Variants in MAN1A2 observed in about 807,000 individuals in gnomAD.
MAN1A2 encodes mannosidase alpha class 1A member 2.
A neutral mutation model predicts 75.7 loss-of-function variants in MAN1A2; 26 were observed. That is an observed-to-expected ratio of 0.34 (90% confidence interval 0.25 to 0.48). The LOEUF (loss-of-function observed/expected upper bound fraction) is 0.48. Among genes scored for constraint, MAN1A2 ranks in the 20% least tolerant of loss-of-function variants. The pLI is 0.99. For synonymous variants in MAN1A2, 247 were observed against 264.6 expected (o/e 0.93, Z 0.65); for missense variants, 562 against 775.5 (o/e 0.72, Z 3.27).
rs192442128 is a variant in MAN1A2, at chr1:117,398,796, C to T, written c.303-3390C>T. Among the ~76,000 whole-genome samples, 3 of 152,082 alleles carry T rather than the reference C, an allele frequency of 2.0e-5. No individual in the cohort carries two copies. The East Asian group carries it at 5.8e-4, about 29-fold the overall frequency. On this transcript the variant is annotated intron_variant, in intron 1 of 12. Coordinates refer to ENST00000356554, the MANE Select transcript of MAN1A2 (RefSeq NM_006699.5). Reference sequence around the variant, plus strand: ...CATTATACAGAATTTCTTAATAGGCCATAATATAATAGAATTCCTTAGGAT... The same window carrying T: ...CATTATACAGAATTTCTTAATAGGCTATAATATAATAGAATTCCTTAGGAT...
chr1:117,518,170 G>A (rs1282631697), intron 12 of MAN1A2, among the ~76,000 whole-genome samples: 1 of 151,940 alleles, frequency 6.6e-6, no homozygotes, highest in East Asian at 1.9e-4. Flanking sequence ...TGATTACCCA[G>A]TGAAAATGCA....
At chr1:117,402,883 C>A (rs937200384) in intron 2 of MAN1A2, among the ~76,000 whole-genome samples, 1 of 152,030 alleles carries the variant, frequency 6.6e-6, no homozygotes, top group African/African-American at 2.4e-5. Flanking sequence ...TGGTATCCCT[C>A]AACTATACTG....
chr1:117,458,525 T>TATA (rs1557959206), intron 6 of MAN1A2, among the ~76,000 whole-genome samples: 18 of 43,206 alleles, frequency 4.2e-4, no homozygotes, highest in South Asian at 2.4e-3. Flanking sequence ...ATATATATAT[T>TATA]TTTTTTTTTT....
At chr1:117,483,207 G>T (rs1650556994) in intron 8 of MAN1A2, among the ~76,000 whole-genome samples, 1 of 152,100 alleles carries the variant, frequency 6.6e-6, no homozygotes, top group Non-Finnish European at 1.5e-5. Context: ...GCTTAGGATT[G>T]TCTTGGCAAT....
intron 3 of MAN1A2, among the ~76,000 whole-genome samples, chr1:117,409,612 C>CTT (rs1557938446): frequency 6.6e-6 from 1 of 152,020 alleles, no homozygotes; most frequent in African/African-American, 2.4e-5. Context: ...CAGGCTGTCT[C>CTT]TATCTTAGTT....
intron 6 of MAN1A2, among the ~76,000 whole-genome samples, chr1:117,451,393 G>C (rs189740935): frequency 6.6e-6 from 1 of 152,356 alleles, no homozygotes; most frequent in Admixed American, 6.5e-5. Flanking sequence ...GACTTGCCTT[G>C]TTTCAGATGA....
At position 117,496,923 on chromosome 1, in the gene MAN1A2, A is replaced by G. The variant is rs1651050844; in HGVS notation, c.1445A>G (p.His482Arg). The G allele has an allele frequency of 6.2e-7, 1 of 1,612,642 alleles. No individual in the cohort carries two copies. The highest frequency in any genetic ancestry group is 8.5e-7 in the Non-Finnish European group (1 of 1,179,150). ...GGTTCCAGAGCAGATAAAGCTGGTC[A>G]TTATTTAGAGCTAGGGGCAGAAATT... The part of the protein sequence containing the change: ...ADGSRADKAG[H>R]YLELGAEIAR... The change falls in exon 10 of 13, where the codon CAT becomes CGT. Residue 482 changes from histidine to arginine, a missense_variant. Around this residue, in one of 2 missense-constraint regions of MAN1A2, gnomAD observed 434 missense variants for 645.7 expected, o/e 0.67. Transcript: ENST00000356554.
chr1:117,517,275 C>T (rs1226381910), intron 12 of MAN1A2, among the ~76,000 whole-genome samples: 2 of 152,138 alleles, frequency 1.3e-5, no homozygotes, highest in East Asian at 1.9e-4. Flanking sequence ...TGTCTAGCAT[C>T]TTAGTCAAAG....
rs573722973 is a variant in MAN1A2 at position 117,367,825 on chromosome 1, T to A, written c.-359T>A. On this transcript the variant is annotated 5_prime_UTR_variant, in exon 1 of 13. The change creates a new upstream start codon in the 5' untranslated region. Coordinates refer to ENST00000356554, the MANE Select transcript of MAN1A2 (RefSeq NM_006699.5). ...TCCCTTTCGGGGCGGAAGACTACGTTTGAGCATCTCACTGAGGTGCAGGAA... is the reference window on the plus strand; with the variant it reads ...TCCCTTTCGGGGCGGAAGACTACGTATGAGCATCTCACTGAGGTGCAGGAA... 21 of 200,248 alleles carry A rather than the reference T, an allele frequency of 1.0e-4. No individual in the cohort carries two copies. The highest frequency in any genetic ancestry group is 2.1e-4 in the Non-Finnish European group (21 of 99,480). 12.4% of individuals were successfully genotyped at this position (200,248 alleles called of 1,614,324 possible).
At chr1:117,446,291 A>G (rs1287401303) in intron 6 of MAN1A2, among the ~76,000 whole-genome samples, 1 of 150,462 alleles carries the variant, frequency 6.6e-6, no homozygotes, top group African/African-American at 2.4e-5. Flanking sequence ...GTTTATTTTT[A>G]TTATTTCCTT....
chr1:117,508,764 A>G (rs949916046), intron 12 of MAN1A2, among the ~76,000 whole-genome samples: 1 of 151,520 alleles, frequency 6.6e-6, no homozygotes, highest in Non-Finnish European at 1.5e-5. Flanking sequence ...TATTAAGTCC[A>G]CATGTGCATA....
At chr1:117,379,214 C>T (rs1653251969) in intron 1 of MAN1A2, among the ~76,000 whole-genome samples, 1 of 151,422 alleles carries the variant, frequency 6.6e-6, no homozygotes, top group South Asian at 2.1e-4. Flanking sequence ...TCTAGTTGTC[C>T]CTGTGTGACT....
rs1312659508 is a variant in MAN1A2, at chr1:117,490,655, T to A, written c.1169-2492T>A. 2.6e-5 allele frequency among the ~76,000 whole-genome samples: 4 copies of A among 152,138 alleles called. No homozygotes were observed. The East Asian group carries it at 7.8e-4, about 30-fold the overall frequency. ...AGAGTCATATGTCTCTCACTTTACATCAAAAGCTAGATGTAATTAAGCTTA... is the reference window on the plus strand; with the variant it reads ...AGAGTCATATGTCTCTCACTTTACAACAAAAGCTAGATGTAATTAAGCTTA... On this transcript the variant is annotated intron_variant, in intron 8 of 12. Transcript: ENST00000356554.
chr1:117,443,920 A>AT (rs751314350), intron 6 of MAN1A2, among the ~76,000 whole-genome samples: 1,799 of 144,828 alleles, frequency 0.012, 27 homozygotes, highest in African/African-American at 0.042. Flanking sequence ...GTTTTTGAAA[A>AT]TTTTTTTTTT....
intron 6 of MAN1A2, among the ~76,000 whole-genome samples, chr1:117,458,523 A>ATATATATTT (rs1553236643): frequency 1.9e-5 from 2 of 105,610 alleles, no homozygotes; most frequent in African/African-American, 6.9e-5. Context: ...ATATATATAT[A>ATATATATTT]TTTTTTTTTT....
chr1:117,456,924 A>C (rs913911296), intron 6 of MAN1A2, among the ~76,000 whole-genome samples: 1 of 152,110 alleles, frequency 6.6e-6, no homozygotes, highest in Admixed American at 6.5e-5. Flanking sequence ...AAATGAAGAT[A>C]CTTCAACTTA....
At chr1:117,514,883 C>G (rs1333585601) in intron 12 of MAN1A2, 1 of 532,948 alleles carries the variant, frequency 1.9e-6, no homozygotes, top group African/African-American at 1.9e-5. Flanking sequence ...GTTTTTCCAG[C>G]TGGATGAAAA....
chr1:117,521,641 G>C (rs536971835), intron 12 of MAN1A2, among the ~76,000 whole-genome samples: 9 of 152,064 alleles, frequency 5.9e-5, no homozygotes, highest in Non-Finnish European at 5.9e-5. Flanking sequence ...ACTAAAAGTA[G>C]AACTACCATT....
At chr1:117,472,914 C>T (rs1383947382) in intron 8 of MAN1A2, among the ~76,000 whole-genome samples, 1 of 151,870 alleles carries the variant, frequency 6.6e-6, no homozygotes, top group Non-Finnish European at 1.5e-5. Flanking sequence ...CCAGGAAAGC[C>T]AAAAGATTGG....
Sources: gnomAD v4.1 joint callset for allele counts (sites outside exome capture counted in the v4.1 genomes callset) on GRCh38, gnomAD v4.1.1 for gene constraint, gnomAD v4.1.1 regional missense constraint, MANE v1.5 for transcripts, NCBI Gene and HGNC (gene_info 2026-07-23, HGNC 2026-07-21) for gene names.